ELOF1: variants seen among roughly 807,000 people sequenced by gnomAD.
The protein encoded by ELOF1 is transcription elongation factor 1 homolog.
In ELOF1, 4 loss-of-function variants were observed where a neutral mutation model predicts 7.1. The observed-to-expected ratio is 0.56, with a 90% CI of 0.28 to 1.29. The LOEUF (loss-of-function observed/expected upper bound fraction) is 1.29, where lower values mean the gene tolerates loss of function less well. ELOF1 is among the 50% of genes most tolerant of loss of function. The probability of loss-of-function intolerance (pLI) is 0.10; values close to 1 mark genes in which losing one functional copy is unlikely to be tolerated. For synonymous variants in ELOF1, 31 were observed against 31.9 expected (o/e 0.97, Z 0.09); for missense variants, 59 against 86.3 (o/e 0.68, Z 1.25).
At chr19:11,553,575 C>CT (rs1354550313) in intron 3 of ELOF1, 17 of 738,056 alleles carry the variant, frequency 2.3e-5, no homozygotes, top group South Asian at 8.6e-5. Flanking sequence ...CCCACACGCA[C>CT]ACCCACTACA....
At chr19:11,558,498 T>C (rs1972866307) in intron 1 of ELOF1, among the ~76,000 whole-genome samples, 1 of 151,820 alleles carries the variant, frequency 6.6e-6, no homozygotes, top group Admixed American at 6.6e-5. Flanking sequence ...TCTCATCACT[T>C]TGGGAGGCCC....
At chr19:11,558,821 T>C (rs1484707070) in intron 1 of ELOF1, 1 of 151,186 alleles carries the variant, frequency 6.6e-6, no homozygotes, top group Admixed American at 6.6e-5. Flanking sequence ...ATGAATGGGG[T>C]CTGGCTTGCA....
intron 1 of ELOF1, chr19:11,558,947 G>A (rs759248334): frequency 4.4e-4 from 67 of 152,022 alleles, no homozygotes; most frequent in Non-Finnish European, 7.6e-4. Flanking sequence ...GTGGGGGGTT[G>A]GCTGTTCCTC....
At chr19:11,553,486 C>T (rs1439999445) in intron 3 of ELOF1, 7 of 595,206 alleles carry the variant, frequency 1.2e-5, no homozygotes, top group South Asian at 6.1e-5. Context: ...CCGACACCAC[C>T]GCGTACCTGT....
chr19:11,553,717 G>T, intron 3 of ELOF1: 1 of 1,614,066 alleles, frequency 6.2e-7, no homozygotes, highest in Middle Eastern at 1.7e-4. Flanking sequence ...AGTACGCGGG[G>T]CTGCTCAGGG....
At chr19:11,553,708 G>C in intron 3 of ELOF1, 2 of 1,613,706 alleles carry the variant, frequency 1.2e-6, no homozygotes, top group Non-Finnish European at 1.7e-6. Flanking sequence ...TGGATCCACA[G>C]TACGCGGGGC....
Position 11,554,022 on chromosome 19 carries a change from G to A in ELOF1, c.176C>T (p.Thr59Met), listed in dbSNP as rs781592525. 1.6e-5 allele frequency: 26 copies of A among 1,614,052 alleles called. No homozygotes were observed. The highest frequency in any genetic ancestry group is 5.3e-5 in the African/African-American group (4 of 74,904). The stretch of plus-strand genomic sequence containing the variant: ...GTTTCCAAGGATACACGTTATGGGC[G>A]TCTGGAATTCCTCTAGGCACACGGT... The change falls in exon 3 of 4, where the codon ACG (threonine) becomes ATG (methionine). Residue 59 changes from threonine to methionine, a missense_variant. By Grantham distance (81) the Thr-to-Met change is moderately conservative. Coordinates refer to ENST00000586683, the Ensembl canonical transcript of ELOF1.
At chr19:11,553,624 CA>C in intron 3 of ELOF1, 1 of 923,218 alleles carries the variant, frequency 1.1e-6, no homozygotes, top group Non-Finnish European at 1.6e-6. Context: ...CACACACACA[CA>C]CACACACGGC....
intron 1 of ELOF1, among the ~76,000 whole-genome samples, chr19:11,556,623 T>A (rs1384324673): frequency 6.6e-6 from 1 of 152,218 alleles, no homozygotes; most frequent in East Asian, 1.9e-4. Context: ...TTAACTGTGA[T>A]GCTTCCAGTT....
intron 1 of ELOF1, among the ~76,000 whole-genome samples, chr19:11,558,616 A>G (rs2145062429): frequency 6.6e-6 from 1 of 151,812 alleles, no homozygotes; most frequent in East Asian, 2.0e-4. Context: ...CTGTAGTCCC[A>G]GCTACTCGGC....
In ELOF1 at chr19:11,553,953, GGTCCGGACTCCAGCCCC is replaced by G. The variant is rs770288417; in HGVS notation, c.187+41_187+57del. On this transcript the variant is annotated intron_variant, in intron 3 of 3. Coordinates refer to ENST00000586683, the Ensembl canonical transcript of ELOF1. The stretch of plus-strand genomic sequence containing the variant: ...GGCACACAGTGGGCCAGATGAGCAG[GGTCCGGACTCCAGCCCC>G]CTCCCCACCCTCTGGAAAAAGCCCA... 3 of 1,612,580 alleles carry G rather than the reference GGTCCGGACTCCAGCCCC, an allele frequency of 1.9e-6. No homozygotes were observed. In the South Asian group the frequency reaches 3.3e-5, roughly 18 times the overall value.
exon 1 of ELOF1, chr19:11,559,222 G>C (rs752166311): frequency 6.6e-5 from 10 of 152,556 alleles, no homozygotes; most frequent in Non-Finnish European, 1.3e-4. Context: ...CGTTCACCCG[G>C]GAGATAGTGA....
chr19:11,554,449 G>A (rs1267826189), intron 1 of ELOF1, 84 bp from the exon 2 acceptor site: 1 of 1,532,182 alleles, frequency 6.5e-7, no homozygotes, highest in African/African-American at 1.4e-5. Flanking sequence ...CCGGAAAGAG[G>A]GTCTGGGACT....
chr19:11,554,128 CTGT>C (rs745509079), intron 2 of ELOF1, 47 bp from the exon 3 acceptor site: 1 of 1,614,114 alleles, frequency 6.2e-7, no homozygotes, highest in South Asian at 1.1e-5. Flanking sequence ...CGTCCTGGGC[CTGT>C]GGGTGATGAC....
intron 1 of ELOF1, chr19:11,555,129 C>T: frequency 4.1e-6 from 1 of 244,430 alleles, no homozygotes; most frequent in Non-Finnish European, 8.4e-6. Context: ...TAGTGGCAGG[C>T]ACCCGTAACC....
chr19:11,555,297 C>G (rs537102738), intron 1 of ELOF1: 1 of 166,234 alleles, frequency 6.0e-6, no homozygotes, highest in Non-Finnish European at 1.3e-5. Flanking sequence ...AGGTTGCTAT[C>G]TCAGAGGAGA....
In ELOF1 at chr19:11,558,349, C is replaced by G. The variant is rs773018329; in HGVS notation, c.-19+842G>C. 4.6e-5 allele frequency among the ~76,000 whole-genome samples: 7 copies of G among 152,108 alleles called. No individual in the cohort carries two copies. In the South Asian group the frequency reaches 6.2e-4, roughly 14 times the overall value. ...CAGCCTGGTCTGGAACTCCTGGGCTCAAGAGATACTCCCGCCTCGGCCTCC... is the reference window on the plus strand; with the variant it reads ...CAGCCTGGTCTGGAACTCCTGGGCTGAAGAGATACTCCCGCCTCGGCCTCC... On this transcript the variant is annotated intron_variant, in intron 1 of 3. Transcript: ENST00000586683.
At position 11,554,181 on chromosome 19, in the gene ELOF1, C is replaced by T. The variant is rs537060999; in HGVS notation, c.116+51G>A. 9.6e-5 allele frequency: 155 copies of T among 1,613,500 alleles called. 2 individuals carry two copies. In the East Asian group the frequency reaches 3.0e-3, roughly 31 times the overall value. On this transcript the variant is annotated intron_variant, in intron 2 of 3. Transcript: ENST00000586683. ...AGGCAAGGGGCAGGATGGAGAACAG[C>T]GGGGAAGAGGCAGTGGGGAGGCTGG...
intron 3 of ELOF1, chr19:11,553,582 TACACACACACACACACAC>T (rs57015096): frequency 0.024 from 14,690 of 606,010 alleles, 1,296 homozygotes; most frequent in African/African-American, 0.24. Context: ...GCACACCCAC[TACACACACACACACACAC>T]ACACACACAC....
Sources: allele counts gnomAD v4.1 joint callset (sites outside exome capture counted in the v4.1 genomes callset), GRCh38; gene constraint gnomAD v4.1.1; transcripts MANE v1.5; gene names NCBI Gene and HGNC (gene_info 2026-07-23, HGNC 2026-07-21).